SLC24A2: variants seen among roughly 807,000 people sequenced by gnomAD.
SLC24A2 encodes solute carrier family 24 member 2, also known as sodium/potassium/calcium exchanger 2.
A neutral mutation model predicts 62.0 loss-of-function variants in SLC24A2; 36 were observed. The observed-to-expected ratio is 0.58, with a 90% CI of 0.44 to 0.77. The LOEUF (loss-of-function observed/expected upper bound fraction) is 0.77. Among genes scored for constraint, SLC24A2 ranks in the 30% least tolerant of loss-of-function variants. The probability of loss-of-function intolerance (pLI) is 0.00; values close to 1 mark genes in which losing one functional copy is unlikely to be tolerated. For synonymous variants in SLC24A2, 358 were observed against 294.0 expected, an observed-to-expected ratio of 1.22 and a Z score of -2.23; for missense variants, 846 against 817.9, an observed-to-expected ratio of 1.03 and a Z score of -0.42.
chr9:19,722,807 T>C (rs1821066297), intron 2 of SLC24A2, among the ~76,000 whole-genome samples: 1 of 152,110 alleles, frequency 6.6e-6, no homozygotes, highest in Non-Finnish European at 1.5e-5. Context: ...ATATGTATTG[T>C]TGACTTTGGC....
At chr9:19,535,621 A>C (rs1297193579) in intron 8 of SLC24A2, among the ~76,000 whole-genome samples, 1 of 152,132 alleles carries the variant, frequency 6.6e-6, no homozygotes, top group Non-Finnish European at 1.5e-5. Flanking sequence ...TCCTTTCCCC[A>C]TTTCTTGTTT....
At chr9:19,652,740 T>C (rs1020948820) in intron 2 of SLC24A2, among the ~76,000 whole-genome samples, 8 of 152,336 alleles carry the variant, frequency 5.3e-5, no homozygotes, top group African/African-American at 1.9e-4. Flanking sequence ...TTTAATACAA[T>C]CACCCTTGTT....
At chr9:19,974,653 T>A in the SLC24A2 span, among the ~76,000 whole-genome samples, 1 of 152,208 alleles carries the variant, frequency 6.6e-6, no homozygotes, top group Non-Finnish European at 1.5e-5. Context: ...TAGGATTAGT[T>A]AGAAAACCAC....
chr9:19,955,691 G>T, the SLC24A2 span, among the ~76,000 whole-genome samples: 1 of 151,980 alleles, frequency 6.6e-6, no homozygotes, highest in African/African-American at 2.4e-5. Context: ...GTCTGCTTTT[G>T]GGGAAAAATG....
chr9:19,985,019 A>AC, the SLC24A2 span, among the ~76,000 whole-genome samples: 3 of 36,262 alleles, frequency 8.3e-5, no homozygotes, highest in African/African-American at 4.1e-4. Flanking sequence ...CTGAAAATAC[A>AC]AAAAAAAAAG....
chr9:20,191,602 A>G, the SLC24A2 span, among the ~76,000 whole-genome samples: 1 of 151,604 alleles, frequency 6.6e-6, no homozygotes, highest in South Asian at 2.1e-4. Context: ...AAATTATCAT[A>G]TGGATCCACC....
the SLC24A2 span, among the ~76,000 whole-genome samples, chr9:19,951,917 T>C: frequency 6.6e-5 from 10 of 152,270 alleles, no homozygotes; most frequent in East Asian, 1.7e-3. Flanking sequence ...TATGGATCAA[T>C]TTAAGGAGAA....
chr9:19,981,973 C>G, the SLC24A2 span, among the ~76,000 whole-genome samples: 2 of 152,074 alleles, frequency 1.3e-5, no homozygotes, highest in Admixed American at 6.6e-5. Context: ...GGAGGGAGAA[C>G]AGAAGGAGTA....
rs1170765382 is a variant in SLC24A2 at position 19,734,190 on chromosome 9, AGTTGTAGATATGTGGCATT to A, written c.930+51728_930+51746del. ...TTGTCAGGTTTGTCAAAGATCAGATAGTTGTAGATATGTGGCATTATTTCTGATGGCTCTGTTCTGTTCC... is the reference window on the plus strand; with the variant it reads ...TTGTCAGGTTTGTCAAAGATCAGATAATTTCTGATGGCTCTGTTCTGTTCC... On this transcript the variant is annotated intron_variant, in intron 2 of 10. Coordinates refer to ENST00000341998, the MANE Select transcript of SLC24A2 (RefSeq NM_020344.4). Among the ~76,000 whole-genome samples, 632 of 152,158 alleles carry A rather than the reference AGTTGTAGATATGTGGCATT, an allele frequency of 4.2e-3. 5 individuals are homozygous for A. The highest frequency in any genetic ancestry group is 0.015 in the African/African-American group (606 of 41,528).
chr9:19,742,511 T>A (rs570684386), intron 2 of SLC24A2, among the ~76,000 whole-genome samples: 1 of 152,320 alleles, frequency 6.6e-6, no homozygotes, highest in Non-Finnish European at 1.5e-5. Flanking sequence ...ATGTTTAAAT[T>A]TTCCTGAGAT....
chr9:19,510,129 C>T lies in SLC24A2; in HGVS notation c.*6024G>A, dbSNP rs1832662090. The T allele has an allele frequency of 6.6e-6, 1 of 152,030 alleles. No homozygotes were observed. The highest frequency in any genetic ancestry group is 6.6e-5 in the Admixed American group (1 of 15,256). The allele number at this position is 152,030 out of a possible 1,614,324, so 9.4% of individuals were successfully genotyped here. A position where few individuals can be genotyped will look rare whatever the true frequency, so the allele number is the denominator to read the frequency against. ...TTCTTTGTGAGTCTGAGATTATGAC[C>T]TAATGACCTTAAAAGCAGTTTGTGA... On this transcript the variant is annotated 3_prime_UTR_variant, in exon 11 of 11. Transcript: ENST00000341998.
chr9:19,848,548 G>A, the SLC24A2 span, among the ~76,000 whole-genome samples: 1 of 152,112 alleles, frequency 6.6e-6, no homozygotes, highest in Admixed American at 6.6e-5. Flanking sequence ...ATGATATATG[G>A]TATTGTATGT....
the SLC24A2 span, among the ~76,000 whole-genome samples, chr9:19,972,991 C>A: frequency 5.1e-4 from 77 of 152,234 alleles, no homozygotes; most frequent in South Asian, 9.7e-3. Flanking sequence ...ATGATGGGAT[C>A]TTTCAACTGG....
At chr9:20,009,159 C>G in the SLC24A2 span, among the ~76,000 whole-genome samples, 15 of 152,276 alleles carry the variant, frequency 9.9e-5, no homozygotes, top group African/African-American at 3.4e-4. Context: ...CCCCACCATT[C>G]TGGGACCCTG....
the SLC24A2 span, among the ~76,000 whole-genome samples, chr9:19,962,498 T>C: frequency 2.0e-5 from 3 of 152,364 alleles, no homozygotes; most frequent in Admixed American, 2.0e-4. Context: ...CCCATGAGCA[T>C]GGAATGTTCT....
chr9:20,303,892 T>G, the SLC24A2 span, among the ~76,000 whole-genome samples: 2 of 152,142 alleles, frequency 1.3e-5, no homozygotes, highest in Non-Finnish European at 2.9e-5. Flanking sequence ...GCTCAGTGGG[T>G]GCTGTGCATC....
At chr9:19,888,635 G>A in the SLC24A2 span, among the ~76,000 whole-genome samples, 58 of 152,224 alleles carry the variant, frequency 3.8e-4, no homozygotes, top group African/African-American at 1.3e-3. Flanking sequence ...ACCTAATTCC[G>A]AGAAATTTTG....
At chr9:20,248,974 T>C in the SLC24A2 span, among the ~76,000 whole-genome samples, 2 of 152,152 alleles carry the variant, frequency 1.3e-5, no homozygotes, top group Non-Finnish European at 2.9e-5. Context: ...GACCACAGCC[T>C]GCACAGGCCA....
the SLC24A2 span, among the ~76,000 whole-genome samples, chr9:19,806,122 A>AAT: frequency 2.6e-5 from 4 of 152,304 alleles, no homozygotes; most frequent in East Asian, 5.8e-4. Flanking sequence ...TTATTTTAAA[A>AAT]ATATAATTGT....
Sources: allele counts gnomAD v4.1 joint callset (sites outside exome capture counted in the v4.1 genomes callset), GRCh38; gene constraint gnomAD v4.1.1; transcripts MANE v1.5; gene names NCBI Gene and HGNC (gene_info 2026-07-23, HGNC 2026-07-21).